ERC2: variants seen among roughly 807,000 people sequenced by gnomAD.
The protein encoded by ERC2 is ELKS/RAB6-interacting/CAST family member 2.
A neutral mutation model predicts 114.8 loss-of-function variants in ERC2; 42 were observed. The observed-to-expected ratio is 0.37, with a 90% confidence interval of 0.29 to 0.47. The LOEUF (loss-of-function observed/expected upper bound fraction) is 0.47. ERC2 is among the 20% of genes least tolerant of loss of function. The probability of loss-of-function intolerance (pLI) is 0.99; values close to 1 mark genes in which losing one functional copy is unlikely to be tolerated. For missense variants in ERC2, 939 were observed against 1,150.7 expected (o/e 0.82, Z 2.66); for synonymous variants, 454 against 425.5 (o/e 1.07, Z -0.82).
At chr3:55,873,021 G>A (rs1318382190) in intron 14 of ERC2, among the ~76,000 whole-genome samples, 3 of 152,284 alleles carry the variant, frequency 2.0e-5, no homozygotes, top group South Asian at 2.1e-4. Context: ...GTCATCTAAT[G>A]AGCAGAGGCC....
intron 3 of ERC2, among the ~76,000 whole-genome samples, chr3:56,237,661 C>CT (rs983601562): frequency 1.3e-5 from 2 of 151,510 alleles, no homozygotes; most frequent in South Asian, 2.1e-4. Flanking sequence ...ACATTGCTTT[C>CT]TTTTTTTTTC....
intron 3 of ERC2, among the ~76,000 whole-genome samples, chr3:56,195,642 C>T (rs2048055918): frequency 6.6e-6 from 1 of 151,666 alleles, no homozygotes; most frequent in Non-Finnish European, 1.5e-5. Context: ...CCAGCCTGGG[C>T]AACATAGGAA....
intron 14 of ERC2, among the ~76,000 whole-genome samples, chr3:55,783,748 T>C (rs2069250795): frequency 1.3e-5 from 2 of 152,140 alleles, no homozygotes; most frequent in African/African-American, 4.8e-5. Context: ...CAAAGTCTCA[T>C]CACTTGCCCC....
chr3:55,558,893 G>A (rs755639507), intron 17 of ERC2, among the ~76,000 whole-genome samples: 7 of 152,186 alleles, frequency 4.6e-5, no homozygotes, highest in Admixed American at 1.3e-4. Context: ...GATCCTCCAG[G>A]AAGAAGGGCT....
intron 14 of ERC2, among the ~76,000 whole-genome samples, chr3:55,767,761 C>T (rs2067911664): frequency 6.6e-6 from 1 of 152,172 alleles, no homozygotes; most frequent in South Asian, 2.1e-4. Flanking sequence ...CTGATGTAGA[C>T]ATGAAAAATG....
chr3:55,952,479 C>T (rs953892860), intron 12 of ERC2, among the ~76,000 whole-genome samples: 1 of 151,786 alleles, frequency 6.6e-6, no homozygotes, highest in African/African-American at 2.4e-5. Flanking sequence ...TTAAGAATGC[C>T]CTCTTGCTTT....
At chr3:56,211,482 T>C (rs1409646112) in intron 3 of ERC2, among the ~76,000 whole-genome samples, 1 of 152,154 alleles carries the variant, frequency 6.6e-6, no homozygotes, top group Admixed American at 6.6e-5. Flanking sequence ...ACATATCCCA[T>C]GCTCATGGAT....
At chr3:56,318,793 A>G (rs932845639) in intron 2 of ERC2, among the ~76,000 whole-genome samples, 5 of 151,828 alleles carry the variant, frequency 3.3e-5, no homozygotes, top group African/African-American at 1.2e-4. Context: ...TAAAAAAAAA[A>G]AGCTAAAGAG....
intron 3 of ERC2, among the ~76,000 whole-genome samples, chr3:56,211,520 T>A (rs1239997827): frequency 4.0e-5 from 6 of 151,808 alleles, no homozygotes; most frequent in Non-Finnish European, 8.8e-5. Flanking sequence ...TGATTAATTC[T>A]ACACAATAGC....
intron 7 of ERC2, among the ~76,000 whole-genome samples, chr3:56,039,810 G>A (rs1257879559): frequency 1.3e-5 from 2 of 152,076 alleles, no homozygotes; most frequent in South Asian, 2.1e-4. Context: ...CAGATCAATG[G>A]AACTGAATAG....
intron 14 of ERC2, among the ~76,000 whole-genome samples, chr3:55,741,439 G>A (rs949035098): frequency 1.8e-4 from 27 of 151,740 alleles, no homozygotes; most frequent in African/African-American, 6.1e-4. Flanking sequence ...GATATAAACC[G>A]GAAACAGAAA....
chr3:56,087,892 T>G (rs561037766), intron 6 of ERC2, among the ~76,000 whole-genome samples: 39 of 152,318 alleles, frequency 2.6e-4, no homozygotes, highest in African/African-American at 8.4e-4. Context: ...GTACGCATAA[T>G]GTACACAGTC....
chr3:56,037,545 G>A (rs372830731), intron 7 of ERC2, among the ~76,000 whole-genome samples: 8 of 152,226 alleles, frequency 5.3e-5, no homozygotes, highest in African/African-American at 1.9e-4. Context: ...GAGAACTATG[G>A]GATTATATAC....
chr3:56,189,307 T>C (rs1313024002), intron 3 of ERC2, among the ~76,000 whole-genome samples: 1 of 152,228 alleles, frequency 6.6e-6, no homozygotes, highest in Non-Finnish European at 1.5e-5. Flanking sequence ...TCCAGGTCAT[T>C]CAACTGTTCT....
chr3:56,262,042 T>G (rs2052971083), intron 3 of ERC2, among the ~76,000 whole-genome samples: 1 of 152,194 alleles, frequency 6.6e-6, no homozygotes, highest in Non-Finnish European at 1.5e-5. Flanking sequence ...AAGGACACGA[T>G]CTCATTCTTT....
intron 14 of ERC2, among the ~76,000 whole-genome samples, chr3:55,826,919 T>C (rs879148563): frequency 1.3e-5 from 2 of 152,196 alleles, no homozygotes; most frequent in Admixed American, 6.5e-5. Flanking sequence ...TGGAGGGCAG[T>C]GGTTATCACT....
intron 17 of ERC2, chr3:55,610,789 A>G (rs2058880162): frequency 6.6e-6 from 1 of 152,236 alleles, no homozygotes; most frequent in East Asian, 1.9e-4. Flanking sequence ...AGAAAAATGT[A>G]TCAAATAGAA....
intron 14 of ERC2, among the ~76,000 whole-genome samples, chr3:55,851,748 T>C (rs1295071015): frequency 6.7e-6 from 1 of 149,394 alleles, no homozygotes; most frequent in Non-Finnish European, 1.5e-5. Flanking sequence ...ACAACAAAAC[T>C]GCATGAGAAA....
chr3:56,327,538 T>C (rs141294304), intron 2 of ERC2, among the ~76,000 whole-genome samples: 1,590 of 152,326 alleles, frequency 0.01, 11 homozygotes, highest in Non-Finnish European at 0.017. Flanking sequence ...TAGCTGGGCA[T>C]GGTAGCCCAC....
Sources: allele counts gnomAD v4.1 joint callset (sites outside exome capture counted in the v4.1 genomes callset), GRCh38; gene constraint gnomAD v4.1.1; transcripts MANE v1.5; gene names NCBI Gene and HGNC (gene_info 2026-07-23, HGNC 2026-07-21).